ITGAE: variants seen among roughly 807,000 people sequenced by gnomAD.
ITGAE encodes integrin alpha-E.
ITGAE carries 99 observed loss-of-function variants against 136.5 expected under a neutral mutation model. The ratio of observed to expected loss-of-function variants is 0.73; its 90% CI spans 0.62 to 0.86. ITGAE has a LOEUF of 0.86. Among genes scored for constraint, ITGAE ranks in the 40% least tolerant of loss-of-function variants. ITGAE has a pLI of 0.00. For synonymous variants in ITGAE, 613 were observed against 591.8 expected (o/e 1.04, Z -0.52); for missense variants, 1,447 against 1,515.3 (o/e 0.95, Z 0.75).
At chr17:3,724,458 C>A in intron 26 of ITGAE, 1 of 1,613,798 alleles carries the variant, frequency 6.2e-7, no homozygotes, top group East Asian at 2.2e-5. Context: ...TCTGGCCTCG[C>A]CCTGCCCCGG....
intron 8 of ITGAE, 28 bp from the exon 9 acceptor site, chr17:3,757,887 A>C (rs1489788234): frequency 8.1e-6 from 13 of 1,612,834 alleles, no homozygotes; most frequent in South Asian, 1.1e-5. Flanking sequence ...AATGAAGAAG[A>C]GAGCTTTGCC....
chr17:3,732,377 CTT>C lies in ITGAE; in HGVS notation c.2743_2744del (p.Lys915GlufsTer33). On this transcript the variant is annotated frameshift_variant, in exon 22 of 31. Transcript: ENST00000263087. LOFTEE classifies it high-confidence loss of function. ...MNCRIGHPVL[K>X]RSSAHVSVVW... ...GTCCAAACCGACTCACAGATGACCT[CTT>C]GAGGACGGGGTGACCAATCCTGCAG... 1 of 1,613,858 alleles carries C rather than the reference CTT, an allele frequency of 6.2e-7. No homozygotes were observed. Among genetic ancestry groups the C allele is most frequent in the Non-Finnish European group, 8.5e-7 (1 of 1,179,764 alleles).
chr17:3,770,118 T>C lies in ITGAE; in HGVS notation c.156-6158A>G, dbSNP rs111406655. Among the ~76,000 whole-genome samples the C allele has an allele frequency of 4.2e-3, 632 of 151,226 alleles. 4 individuals are homozygous for C. Among genetic ancestry groups the C allele is most frequent in the South Asian group, 6.3e-3 (30 of 4,774 alleles). On this transcript the variant is annotated intron_variant, in intron 2 of 30. Coordinates refer to ENST00000263087, the MANE Select transcript of ITGAE (RefSeq NM_002208.5). The stretch of plus-strand genomic sequence containing the variant: ...TCAGGGTTTATTTCTTTCTTTCTTT[T>C]TTTTTTTTTTCTTTTTTTTGAGATG...
intron 2 of ITGAE, among the ~76,000 whole-genome samples, chr17:3,773,615 C>T (rs983595288): frequency 6.6e-6 from 1 of 152,194 alleles, no homozygotes; most frequent in Non-Finnish European, 1.5e-5. Context: ...CCAGAAACTT[C>T]CACATGTTCT....
intron 2 of ITGAE, 144 bp from the exon 3 acceptor site, chr17:3,764,104 A>C: frequency 1.6e-6 from 1 of 624,172 alleles, no homozygotes. Context: ...ACTCTGGATT[A>C]TGGGGAAGAC....
At chr17:3,743,433 GGT>G in intron 19 of ITGAE, 54 bp downstream of exon 19, 1 of 1,510,346 alleles carries the variant, frequency 6.6e-7, no homozygotes, top group Non-Finnish European at 8.8e-7. Flanking sequence ...GGGAGCAGGT[GGT>G]TTCTGTGGGA....
intron 2 of ITGAE, among the ~76,000 whole-genome samples, chr17:3,773,220 C>T (rs2052467473): frequency 6.6e-6 from 1 of 152,110 alleles, no homozygotes; most frequent in Non-Finnish European, 1.5e-5. Context: ...GGCCAGGTGC[C>T]TTGGCTCACG....
intron 2 of ITGAE, among the ~76,000 whole-genome samples, chr17:3,771,534 C>CTT (rs71312930): frequency 7.5e-4 from 92 of 123,218 alleles, no homozygotes; most frequent in African/African-American, 1.5e-3. Flanking sequence ...GCATTTTTCT[C>CTT]TTTTTTTTTT....
chr17:3,757,636 G>T (rs1335700373), intron 9 of ITGAE, 70 bp downstream of exon 9: 2 of 1,547,662 alleles, frequency 1.3e-6, no homozygotes, highest in African/African-American at 1.4e-5. Flanking sequence ...AGCCCCCATC[G>T]ACAACCCTGG....
intron 3 of ITGAE, among the ~76,000 whole-genome samples, chr17:3,763,457 A>G (rs2052221919): frequency 6.6e-6 from 1 of 152,138 alleles, no homozygotes; most frequent in Non-Finnish European, 1.5e-5. Context: ...TTGCATCAGG[A>G]AGGGCTAGAG....
intron 17 of ITGAE, among the ~76,000 whole-genome samples, chr17:3,746,610 C>T (rs188755770): frequency 1.3e-5 from 2 of 152,178 alleles, no homozygotes; most frequent in Admixed American, 6.5e-5. Flanking sequence ...CGCCCGCCAC[C>T]ACACCTGGCT....
intron 29 of ITGAE, among the ~76,000 whole-genome samples, chr17:3,719,513 C>T (rs557771811): frequency 6.6e-6 from 1 of 152,230 alleles, no homozygotes; most frequent in Non-Finnish European, 1.5e-5. Context: ...GGGTAACACA[C>T]AAAGCATTCA....
chr17:3,793,899 C>T (rs1244985989), intron 1 of ITGAE, among the ~76,000 whole-genome samples: 1 of 150,958 alleles, frequency 6.6e-6, no homozygotes, highest in Non-Finnish European at 1.5e-5. Flanking sequence ...CCTGAGTGCA[C>T]ATGTGTACAA....
chr17:3,726,664 A>G (rs2051220925), intron 26 of ITGAE: 2 of 222,342 alleles, frequency 9.0e-6, no homozygotes, highest in South Asian at 1.5e-4. Context: ...CCCTGTCTCT[A>G]TTTTTTTAAA....
chr17:3,725,175 G>C (rs758636055), intron 26 of ITGAE: 13 of 1,614,044 alleles, frequency 8.1e-6, no homozygotes, highest in Admixed American at 1.7e-5. Context: ...TTCTCTCTCT[G>C]GATCCCTCCT....
chr17:3,775,378 A>C (rs1428593644), intron 2 of ITGAE, among the ~76,000 whole-genome samples: 2 of 152,184 alleles, frequency 1.3e-5, no homozygotes, highest in Non-Finnish European at 2.9e-5. Context: ...TGCATGAGTC[A>C]TATCAGTATT....
intron 28 of ITGAE, among the ~76,000 whole-genome samples, chr17:3,720,775 G>A (rs1305538781): frequency 6.6e-6 from 1 of 152,040 alleles, no homozygotes; most frequent in Non-Finnish European, 1.5e-5. Context: ...TAGAGATGGG[G>A]TTTTGCCATG....
At chr17:3,780,774 C>T (rs1489381610) in intron 1 of ITGAE, among the ~76,000 whole-genome samples, 85 of 152,030 alleles carry the variant, frequency 5.6e-4, no homozygotes, top group Non-Finnish European at 2.9e-5. Context: ...GATCATGGTT[C>T]CCTACAGTCT....
Position 3,766,700 on chromosome 17 carries a change from G to T in ITGAE, c.156-2740C>A, listed in dbSNP as rs369788119. On this transcript the variant is annotated intron_variant, in intron 2 of 30. Transcript: ENST00000263087. ...GCCTGTAATCCCAGCTACTCGGGAG[G>T]CTGAGGCAGGAGAATCACTTGAACC... Among the ~76,000 whole-genome samples, 77 of 151,976 alleles carry T rather than the reference G, an allele frequency of 5.1e-4. 1 individual carries two copies. The South Asian group carries it at 0.014, about 27-fold the overall frequency.
Sources: gnomAD v4.1 joint callset for allele counts (sites outside exome capture counted in the v4.1 genomes callset) on GRCh38, gnomAD v4.1.1 for gene constraint, MANE v1.5 for transcripts, NCBI Gene and HGNC (gene_info 2026-07-23, HGNC 2026-07-21) for gene names.